The following MGST1 variants were observed in gnomAD, a reference collection of about 807,000 sequenced individuals.
MGST1 encodes the protein glutathione S-transferase 12.
MGST1 carries 5 observed loss-of-function variants against 8.9 expected under a neutral mutation model. The ratio of observed to expected loss-of-function variants is 0.56; its 90% CI spans 0.29 to 1.19. MGST1 has a LOEUF of 1.19. MGST1 is among the 50% of genes most tolerant of loss of function. The pLI is 0.08. For synonymous variants in MGST1, 54 were observed against 67.8 expected, an observed-to-expected ratio of 0.80 and a Z score of 1.00; for missense variants, 182 against 187.4, an observed-to-expected ratio of 0.97 and a Z score of 0.17.
intron 4 of MGST1, among the ~76,000 whole-genome samples, chr12:16,577,402 C>A (rs1238387090): frequency 6.6e-6 from 1 of 152,060 alleles, no homozygotes; most frequent in Non-Finnish European, 1.5e-5. Context: ...AAGTAGTTGG[C>A]AGTTATTCTT....
intron 4 of MGST1, among the ~76,000 whole-genome samples, chr12:16,529,296 C>T (rs898247079): frequency 6.6e-6 from 1 of 151,990 alleles, no homozygotes; most frequent in African/African-American, 2.4e-5. Context: ...TTACAATTCC[C>T]TGGTATATTC....
At chr12:16,390,657 A>G (rs1238460145) in intron 1 of MGST1, among the ~76,000 whole-genome samples, 1 of 152,136 alleles carries the variant, frequency 6.6e-6, no homozygotes, top group Admixed American at 6.6e-5. Context: ...TGGCTACATA[A>G]TGTACATCAT....
At position 16,410,838 on chromosome 12, in the gene MGST1, T is replaced by C. The variant is rs1940736732; in HGVS notation, n.779-26550T>C. ...CACAAGAATAACGCCTACATATAAC[T>C]ATTTGGTTTGACTCCATTTTTTCCC... On this transcript the variant is annotated intron_variant and non_coding_transcript_variant, in intron 1 of 1. Transcript: ENST00000359720. The surrounding 1 kb of genome is among the most constrained non-coding windows in gnomAD (Gnocchi z 4.4). Among the ~76,000 whole-genome samples the C allele has an allele frequency of 6.6e-6, 1 of 152,026 alleles. No homozygotes were observed.
chr12:16,357,429 A>C, intron 2 of MGST1, 176 bp from the exon 3 acceptor site: 1 of 545,568 alleles, frequency 1.8e-6, no homozygotes, highest in Middle Eastern at 4.4e-4. Flanking sequence ...CTACCATGCA[A>C]AATTTTTTTT....
downstream of MGST1, among the ~76,000 whole-genome samples, chr12:16,368,792 C>T (rs865779923): frequency 3.3e-5 from 5 of 151,882 alleles, no homozygotes; most frequent in Non-Finnish European, 5.9e-5. Flanking sequence ...AAATGTGAGC[C>T]GTAAAATGGA....
At chr12:16,421,522 G>T (rs1196379932) in intron 1 of MGST1, among the ~76,000 whole-genome samples, 1 of 152,106 alleles carries the variant, frequency 6.6e-6, no homozygotes, top group Admixed American at 6.5e-5. Context: ...AAATATGACT[G>T]CAGATCTAGG....
At chr12:16,589,659 T>C (rs1424138387), downstream of MGST1, 2 of 152,070 alleles carry the variant, frequency 1.3e-5, no homozygotes, top group African/African-American at 4.8e-5. The surrounding 1 kb of genome is among the most constrained non-coding windows in gnomAD (Gnocchi z 4.2). Flanking sequence ...TTTCAGATTA[T>C]TTAAACACCA....
In MGST1 at chr12:16,481,652, ATAAT is replaced by A. The variant is rs751301830; in HGVS notation, n.482+98053_482+98056del. Among the ~76,000 whole-genome samples, 22 of 152,342 alleles carry A rather than the reference ATAAT, an allele frequency of 1.4e-4. No individual in the cohort carries two copies. In the South Asian group the frequency reaches 1.4e-3, roughly 10 times the overall value. The stretch of plus-strand genomic sequence containing the variant: ...GAGTAGATTGGACATGGCTGAAGAA[ATAAT>A]TAATAATCTAGACGGTAGATCTAAA... On this transcript the variant is annotated intron_variant and non_coding_transcript_variant, in intron 4 of 4. Coordinates refer to the MGST1 transcript ENST00000538857.
rs769712058 is a variant in MGST1 at position 16,481,163 on chromosome 12, G to A, written n.482+97559G>A. Reference sequence around the variant, plus strand: ...CAAACAAAAAAAGCCCTCACTTACTGAGAATTAATAATAACATCTCTGTCC... The same window carrying A: ...CAAACAAAAAAAGCCCTCACTTACTAAGAATTAATAATAACATCTCTGTCC... On this transcript the variant is annotated intron_variant and non_coding_transcript_variant, in intron 4 of 4. Coordinates refer to the MGST1 transcript ENST00000538857. 2.6e-5 allele frequency among the ~76,000 whole-genome samples: 4 copies of A among 152,140 alleles called. No homozygotes were observed. In the East Asian group the frequency reaches 7.7e-4, roughly 29 times the overall value.
intron 4 of MGST1, among the ~76,000 whole-genome samples, chr12:16,491,433 C>G (rs1364556278): frequency 6.6e-6 from 1 of 152,172 alleles, no homozygotes; most frequent in Non-Finnish European, 1.5e-5. Flanking sequence ...TTTTGGAAGA[C>G]AAGACCTGTA....
At chr12:16,420,505 G>C (rs137899695) in intron 1 of MGST1, among the ~76,000 whole-genome samples, 1,688 of 152,296 alleles carry the variant, frequency 0.011, 13 homozygotes, top group Non-Finnish European at 0.016. Context: ...TTTCCATGCA[G>C]GAGGTTTATT....
chr12:16,349,698 T>C (rs1591686084), intron 1 of MGST1, among the ~76,000 whole-genome samples: 1 of 152,098 alleles, frequency 6.6e-6, no homozygotes, highest in Middle Eastern at 3.4e-3. Context: ...AAGTCGGAAG[T>C]TTTTTATTTA....
chr12:16,422,130 G>A (rs1407942745), intron 1 of MGST1, among the ~76,000 whole-genome samples: 1 of 152,162 alleles, frequency 6.6e-6, no homozygotes, highest in Non-Finnish European at 1.5e-5. Flanking sequence ...GATGAGACTG[G>A]CTGACATCAA....
chr12:16,347,196 T>A (rs2136890558), upstream of MGST1: 2 of 152,316 alleles, frequency 1.3e-5, 1 homozygote, highest in Middle Eastern at 6.8e-3. The surrounding 1 kb of genome is among the most constrained non-coding windows in gnomAD (Gnocchi z 4.0). Flanking sequence ...TAAGTGATCT[T>A]TACTGAGGGT....
At chr12:16,528,277 A>G (rs996825875) in intron 4 of MGST1, among the ~76,000 whole-genome samples, 11 of 151,982 alleles carry the variant, frequency 7.2e-5, no homozygotes, top group Non-Finnish European at 1.3e-4. Context: ...CACAGATATC[A>G]TCGTAGGCTA....
chr12:16,362,502 A>G lies in MGST1; in HGVS notation c.222-1293A>G, dbSNP rs1011630208. 6.6e-6 allele frequency: 1 copy of G among 152,184 alleles called. No individual in the cohort carries two copies. Among genetic ancestry groups the G allele is most frequent in the Non-Finnish European group, 1.5e-5 (1 of 68,036 alleles). 9.4% of individuals were successfully genotyped at this position (152,184 alleles called of 1,614,324 possible). On this transcript the variant is annotated intron_variant, in intron 3 of 3. Coordinates refer to ENST00000396210, the MANE Select transcript of MGST1 (RefSeq NM_020300.5). The surrounding 1 kb of genome is among the most constrained non-coding windows in gnomAD (Gnocchi z 4.4). ...ATGTAATAATTATATGCTTATTGCT[A>G]TAGAAGAGAGTAACGTAAAGCAGAA...
rs534434909 is a variant in MGST1, at chr12:16,361,389, G to A, written c.222-2406G>A. On this transcript the variant is annotated intron_variant, in intron 3 of 3. Transcript: ENST00000396210. The surrounding 1 kb of genome is among the most constrained non-coding windows in gnomAD (Gnocchi z 4.2). ...GAGCACAGAGATGGTGGGAAGGTCC[G>A]TCACAGAGCAAATATATGCCAGGGC... 5.3e-5 allele frequency among the ~76,000 whole-genome samples: 8 copies of A among 152,296 alleles called. No individual in the cohort carries two copies. The highest frequency in any genetic ancestry group is 2.0e-4 in the Admixed American group (3 of 15,294).
rs981153797 is a variant in MGST1, at chr12:16,513,451, C to G, written n.483-76077C>G. 3.1e-5 allele frequency: 13 copies of G among 414,394 alleles called. No homozygotes were observed. The highest frequency in any genetic ancestry group is 2.7e-4 in the African/African-American group (13 of 48,066). 25.7% of individuals were successfully genotyped at this position (414,394 alleles called of 1,614,324 possible). ...GGATCGCCGCCGCCTTCCACCCGGGCTCGCCTCTGATGCCCCTGCCAGAGC... is the reference window on the plus strand; with the variant it reads ...GGATCGCCGCCGCCTTCCACCCGGGGTCGCCTCTGATGCCCCTGCCAGAGC... On this transcript the variant is annotated intron_variant and non_coding_transcript_variant, in intron 4 of 4. Coordinates refer to the MGST1 transcript ENST00000538857. The surrounding 1 kb of genome is among the most constrained non-coding windows in gnomAD (Gnocchi z 4.2).
chr12:16,585,506 A>G lies in MGST1; in HGVS notation n.483-4022A>G, dbSNP rs1019572342. The stretch of plus-strand genomic sequence containing the variant: ...ATTATTCAAATTCACCTAATTTTAC[A>G]TATAATTGCAGATTAGAAAACTAAT... On this transcript the variant is annotated intron_variant and non_coding_transcript_variant, in intron 4 of 4. Coordinates refer to the MGST1 transcript ENST00000538857. The surrounding 1 kb of genome is among the most constrained non-coding windows in gnomAD (Gnocchi z 4.7). Among the ~76,000 whole-genome samples, 32 of 152,332 alleles carry G rather than the reference A, an allele frequency of 2.1e-4. No homozygotes were observed. Among genetic ancestry groups the G allele is most frequent in the African/African-American group, 7.2e-4 (30 of 41,580 alleles).
Sources: gnomAD v4.1 joint callset for allele counts (sites outside exome capture counted in the v4.1 genomes callset) on GRCh38, gnomAD v4.1.1 for gene constraint, Gnocchi (gnomAD v3.1) non-coding constraint, MANE v1.5 for transcripts, NCBI Gene and HGNC (gene_info 2026-07-23, HGNC 2026-07-21) for gene names.